The following FHOD3 variants were observed in gnomAD, a reference collection of about 807,000 sequenced individuals.
The protein encoded by FHOD3 is formin homology 2 domain containing 3.
Under a neutral mutation model 173.0 loss-of-function variants are expected in FHOD3, and 90 were observed. The observed-to-expected ratio is 0.52, with a 90% CI of 0.44 to 0.62. The LOEUF (loss-of-function observed/expected upper bound fraction) is 0.62. Among genes scored for constraint, FHOD3 ranks in the 20% least tolerant of loss-of-function variants. FHOD3 has a pLI of 0.00. For synonymous variants in FHOD3, 828 were observed against 823.0 expected (o/e 1.01, Z -0.10); for missense variants, 1,945 against 2,034.7 (o/e 0.96, Z 0.85).
chr18:36,573,443 G>A (rs1318794515), intron 5 of FHOD3, among the ~76,000 whole-genome samples: 22 of 141,074 alleles, frequency 1.6e-4, no homozygotes, highest in African/African-American at 1.8e-4. Flanking sequence ...TATCTCTACA[G>A]AAAAAAAAAA....
chr18:36,572,812 T>C (rs1257128531), intron 5 of FHOD3, among the ~76,000 whole-genome samples: 1 of 152,158 alleles, frequency 6.6e-6, no homozygotes. Flanking sequence ...CTAAAGAGTC[T>C]ACCTTCTCTC....
intron 3 of FHOD3, among the ~76,000 whole-genome samples, chr18:36,476,823 G>T (rs576364572): frequency 6.6e-6 from 1 of 152,204 alleles, no homozygotes; most frequent in Non-Finnish European, 1.5e-5. Context: ...GGGCATGAAG[G>T]TCAGTTAAGC....
intron 14 of FHOD3, among the ~76,000 whole-genome samples, chr18:36,665,587 G>C (rs368078135): frequency 4.6e-5 from 7 of 150,772 alleles, no homozygotes; most frequent in Non-Finnish European, 8.8e-5. Flanking sequence ...CTGGTGGGGG[G>C]GCAGGGAGGT....
At chr18:36,347,078 A>G (rs1482062866) in intron 1 of FHOD3, among the ~76,000 whole-genome samples, 3 of 152,218 alleles carry the variant, frequency 2.0e-5, no homozygotes, top group Non-Finnish European at 4.4e-5. Context: ...GACACAGTGT[A>G]GTGTGTGGCA....
At chr18:36,631,921 A>G (rs1234840977) in intron 10 of FHOD3, among the ~76,000 whole-genome samples, 1 of 152,246 alleles carries the variant, frequency 6.6e-6, no homozygotes, top group African/African-American at 2.4e-5. Flanking sequence ...TTAATGGTAC[A>G]TTAAAAAATT....
At chr18:36,420,250 A>T (rs1433318230) in intron 3 of FHOD3, among the ~76,000 whole-genome samples, 2 of 152,176 alleles carry the variant, frequency 1.3e-5, no homozygotes, top group Admixed American at 1.3e-4. Context: ...TTAGCAGATG[A>T]GCTACAGTTG....
intron 15 of FHOD3, among the ~76,000 whole-genome samples, chr18:36,683,665 TA>T: frequency 6.6e-6 from 1 of 152,316 alleles, no homozygotes; most frequent in African/African-American, 2.4e-5. Flanking sequence ...CAAGGCACAG[TA>T]AAGGGAATTT....
chr18:36,502,582 T>C (rs1013303848), intron 4 of FHOD3, among the ~76,000 whole-genome samples: 6 of 152,212 alleles, frequency 3.9e-5, no homozygotes, highest in African/African-American at 1.4e-4. Flanking sequence ...ACTCATTCTT[T>C]TTTATGGCTG....
intron 3 of FHOD3, among the ~76,000 whole-genome samples, chr18:36,475,503 G>A (rs914816727): frequency 7.2e-5 from 11 of 151,866 alleles, no homozygotes; most frequent in Non-Finnish European, 1.0e-4. Flanking sequence ...GGGAGGTGGG[G>A]TGTGGTGGTC....
At chr18:36,352,009 A>C (rs1382884741) in intron 1 of FHOD3, among the ~76,000 whole-genome samples, 1 of 151,772 alleles carries the variant, frequency 6.6e-6, no homozygotes, top group Non-Finnish European at 1.5e-5. Flanking sequence ...AGGTACCTCA[A>C]CTGAATGGCC....
intron 5 of FHOD3, among the ~76,000 whole-genome samples, chr18:36,549,998 T>C (rs2057578021): frequency 6.6e-6 from 1 of 151,874 alleles, no homozygotes; most frequent in Non-Finnish European, 1.5e-5. Context: ...CAAAGTTTTA[T>C]GTCGTTCATT....
chr18:36,638,910 A>G (rs1264679349), intron 10 of FHOD3, among the ~76,000 whole-genome samples: 3 of 152,328 alleles, frequency 2.0e-5, no homozygotes, highest in East Asian at 1.9e-4. Flanking sequence ...CACACATGAG[A>G]TTAGTCATTG....
intron 5 of FHOD3, among the ~76,000 whole-genome samples, chr18:36,552,012 A>T (rs2057677386): frequency 6.6e-6 from 1 of 152,204 alleles, no homozygotes; most frequent in Non-Finnish European, 1.5e-5. Flanking sequence ...ACTTTAAAGT[A>T]GTTTTTCCCA....
At chr18:36,718,744 A>T (rs1345543282) in intron 19 of FHOD3, 29 bp downstream of exon 19, 1 of 1,595,030 alleles carries the variant, frequency 6.3e-7, no homozygotes, top group Non-Finnish European at 8.5e-7. Flanking sequence ...ATGCTTCTTG[A>T]TTGGAAGTTG....
intron 5 of FHOD3, among the ~76,000 whole-genome samples, chr18:36,561,204 T>C (rs2058071819): frequency 6.6e-6 from 1 of 152,208 alleles, no homozygotes; most frequent in African/African-American, 2.4e-5. Context: ...ATACTAGTCA[T>C]TGATTGACAG....
intron 10 of FHOD3, among the ~76,000 whole-genome samples, chr18:36,638,919 TG>T (rs2035083406): frequency 6.6e-6 from 1 of 152,202 alleles, no homozygotes; most frequent in Non-Finnish European, 1.5e-5. Context: ...GATTAGTCAT[TG>T]TACAACTTCT....
At chr18:36,420,381 G>T (rs1019917827) in intron 3 of FHOD3, among the ~76,000 whole-genome samples, 3 of 152,194 alleles carry the variant, frequency 2.0e-5, no homozygotes, top group Admixed American at 1.3e-4. Context: ...GAGCCAATCT[G>T]CAGTCTCCTC....
intron 1 of FHOD3, among the ~76,000 whole-genome samples, chr18:36,347,355 T>G (rs1250160164): frequency 6.6e-6 from 1 of 152,238 alleles, no homozygotes; most frequent in Non-Finnish European, 1.5e-5. Flanking sequence ...CCTCTAAATT[T>G]AAGCTCTGAA....
intron 20 of FHOD3, among the ~76,000 whole-genome samples, chr18:36,732,416 C>G (rs1249822102): frequency 1.3e-5 from 2 of 152,296 alleles, no homozygotes; most frequent in South Asian, 2.1e-4. Context: ...GGAACAGGTA[C>G]AATAAGGGAA....
Sources: allele counts gnomAD v4.1 joint callset (sites outside exome capture counted in the v4.1 genomes callset), GRCh38; gene constraint gnomAD v4.1.1; transcripts MANE v1.5; gene names NCBI Gene and HGNC (gene_info 2026-07-23, HGNC 2026-07-21).